Variants in CTNNA2 observed in about 807,000 individuals in gnomAD.
The protein encoded by CTNNA2 is catenin alpha-2.
In CTNNA2, 42 loss-of-function variants were observed where a neutral mutation model predicts 101.0. That is an observed-to-expected ratio of 0.42 (90% CI 0.32 to 0.54). The LOEUF (loss-of-function observed/expected upper bound fraction) is 0.54. Among genes scored for constraint, CTNNA2 ranks in the 20% least tolerant of loss-of-function variants. The pLI is 0.14. For missense variants in CTNNA2, 871 were observed against 1,223.1 expected (o/e 0.71, Z 4.29); for synonymous variants, 450 against 456.4 (o/e 0.99, Z 0.18).
intron 9 of CTNNA2, among the ~76,000 whole-genome samples, chr2:80,500,836 T>C (rs1687825039): frequency 6.6e-6 from 1 of 152,220 alleles, no homozygotes; most frequent in Non-Finnish European, 1.5e-5. Context: ...ATTTGTTTCG[T>C]TTATTTTAAT....
At chr2:79,884,887 C>T (rs1216485197) in intron 6 of CTNNA2, among the ~76,000 whole-genome samples, 2 of 151,802 alleles carry the variant, frequency 1.3e-5, no homozygotes, top group Admixed American at 1.3e-4. Context: ...GAAAAATAAT[C>T]CCTGGCTGGC....
intron 2 of CTNNA2, among the ~76,000 whole-genome samples, chr2:79,278,648 T>G (rs1233923004): frequency 6.6e-6 from 1 of 152,116 alleles, no homozygotes. Context: ...AGATATAAAA[T>G]AAGCATCAAA....
At chr2:79,451,486 T>C (rs1670747531) in intron 4 of CTNNA2, among the ~76,000 whole-genome samples, 1 of 151,952 alleles carries the variant, frequency 6.6e-6, no homozygotes, top group African/African-American at 2.4e-5. Context: ...TCAGCAACCC[T>C]CAGGAACATA....
intron 7 of CTNNA2, among the ~76,000 whole-genome samples, chr2:80,196,479 C>A (rs1706842665): frequency 6.6e-6 from 1 of 152,198 alleles, no homozygotes; most frequent in Admixed American, 6.5e-5. Context: ...CTATTTTAAT[C>A]TCTTGGCACT....
At chr2:80,420,648 G>T (rs1680444811) in intron 9 of CTNNA2, among the ~76,000 whole-genome samples, 2 of 152,164 alleles carry the variant, frequency 1.3e-5, no homozygotes, top group South Asian at 4.2e-4. Context: ...TCCTGGAGTG[G>T]GTGATGGGGG....
At position 79,760,722 on chromosome 2, in the gene CTNNA2, A is replaced by G. The variant is rs139625680; in HGVS notation, c.298+16140A>G. 1.7e-3 allele frequency among the ~76,000 whole-genome samples: 258 copies of G among 152,360 alleles called. 1 individual carries two copies. The East Asian group carries it at 0.04, about 24-fold the overall frequency. On this transcript the variant is annotated intron_variant, in intron 3 of 18. Transcript: ENST00000402739. ...TAGGTAATAATTGATAAGTAATGCT[A>G]TGCCAATTTGAAATAATTGTACTTA...
chr2:80,080,490 G>A (rs943136145), intron 7 of CTNNA2, among the ~76,000 whole-genome samples: 1 of 152,192 alleles, frequency 6.6e-6, no homozygotes, highest in African/African-American at 2.4e-5. Context: ...AGAGCTAAGT[G>A]TAACAGCCAG....
At chr2:79,407,183 A>T (rs907946434) in intron 4 of CTNNA2, among the ~76,000 whole-genome samples, 16 of 152,104 alleles carry the variant, frequency 1.1e-4, no homozygotes, top group African/African-American at 3.9e-4. Context: ...AATGGGAAGA[A>T]ATAATATTAC....
chr2:79,849,513 T>G (rs1356211062), intron 3 of CTNNA2, among the ~76,000 whole-genome samples: 2 of 152,142 alleles, frequency 1.3e-5, no homozygotes, highest in African/African-American at 4.8e-5. Context: ...AAATTCTGAT[T>G]GTTGATTGTT....
chr2:80,318,715 G>A (rs1205239169), intron 7 of CTNNA2, among the ~76,000 whole-genome samples: 2 of 152,186 alleles, frequency 1.3e-5, no homozygotes, highest in Non-Finnish European at 2.9e-5. Context: ...TATAGACTGA[G>A]ACAGAGTAAA....
intron 9 of CTNNA2, among the ~76,000 whole-genome samples, chr2:80,529,408 A>G (rs1445982179): frequency 6.6e-6 from 1 of 152,240 alleles, no homozygotes; most frequent in Non-Finnish European, 1.5e-5. Flanking sequence ...CTGTTGTGAA[A>G]TAATAGGTAT....
At chr2:79,693,182 T>TA (rs1426851172) in intron 2 of CTNNA2, among the ~76,000 whole-genome samples, 24 of 151,954 alleles carry the variant, frequency 1.6e-4, no homozygotes, top group African/African-American at 5.6e-4. Flanking sequence ...CAATTAAAGT[T>TA]AAAATGTGTG....
chr2:79,682,108 G>T (rs1558833479), intron 2 of CTNNA2, among the ~76,000 whole-genome samples: 1 of 152,056 alleles, frequency 6.6e-6, no homozygotes, highest in Non-Finnish European at 1.5e-5. Flanking sequence ...CTAAGAATTT[G>T]CTTGAAAAAT....
intron 3 of CTNNA2, among the ~76,000 whole-genome samples, chr2:79,830,432 G>A (rs78888582): frequency 0.04 from 6,069 of 152,172 alleles, 149 homozygotes; most frequent in East Asian, 0.12. Context: ...GGAATCATAG[G>A]CCAGTGGATG....
rs188541267 is a variant in CTNNA2 at position 79,210,943 on chromosome 2, A to T, written c.-406+12867A>T. On this transcript the variant is annotated intron_variant, in intron 2 of 21. Coordinates refer to the CTNNA2 transcript ENST00000466387. ...CCGCCTGGGGGAGGAAAAATGAAGTACTGTAGCTTTATCTCTTCAATAGCT... is the reference window on the plus strand; with the variant it reads ...CCGCCTGGGGGAGGAAAAATGAAGTTCTGTAGCTTTATCTCTTCAATAGCT... Among the ~76,000 whole-genome samples, 24 of 152,214 alleles carry T rather than the reference A, an allele frequency of 1.6e-4. 1 individual carries two copies. The highest frequency in any genetic ancestry group is 1.6e-3 in the Admixed American group (24 of 15,282).
At chr2:79,776,107 A>T (rs1471424404) in intron 3 of CTNNA2, among the ~76,000 whole-genome samples, 3 of 152,228 alleles carry the variant, frequency 2.0e-5, no homozygotes, top group Non-Finnish European at 4.4e-5. Flanking sequence ...CAGCAAAGAT[A>T]TTCTGGCACA....
intron 7 of CTNNA2, among the ~76,000 whole-genome samples, chr2:80,210,074 GT>G (rs976215653): frequency 2.0e-5 from 3 of 152,190 alleles, no homozygotes; most frequent in African/African-American, 7.2e-5. Flanking sequence ...CATATATGTT[GT>G]TTTACAATTT....
Position 79,909,808 on chromosome 2 carries a change from G to C in CTNNA2, c.1056+11G>C. The C allele has an allele frequency of 6.3e-7, 1 of 1,589,148 alleles. No individual in the cohort carries two copies. Among genetic ancestry groups the C allele is most frequent in the South Asian group, 1.1e-5 (1 of 88,828 alleles). ...GAGTACATGAATAATGTAAGTCTTG[G>C]GATCTCCATTCTCATGTCTTGGTGG... On this transcript the variant is annotated intron_variant, in intron 7 of 18. Transcript: ENST00000402739.
At chr2:80,059,952 AAATC>A (rs941333027) in intron 7 of CTNNA2, among the ~76,000 whole-genome samples, 12 of 152,102 alleles carry the variant, frequency 7.9e-5, no homozygotes, top group African/African-American at 2.4e-4. Context: ...CCCTTTCCAA[AAATC>A]AATCAGTCAA....
Sources: gnomAD v4.1 joint callset for allele counts (sites outside exome capture counted in the v4.1 genomes callset) on GRCh38, gnomAD v4.1.1 for gene constraint, MANE v1.5 for transcripts, NCBI Gene and HGNC (gene_info 2026-07-23, HGNC 2026-07-21) for gene names.